MAN1A2: variants seen among roughly 807,000 people sequenced by gnomAD.
The protein encoded by MAN1A2 is mannosyl-oligosaccharide 1,2-alpha-mannosidase IB.
In MAN1A2, 26 loss-of-function variants were observed where a neutral mutation model predicts 75.7. The ratio of observed to expected loss-of-function variants is 0.34; its 90% CI spans 0.25 to 0.48. The LOEUF (loss-of-function observed/expected upper bound fraction) is 0.48. MAN1A2 is among the 20% of genes least tolerant of loss of function. The pLI, the probability that MAN1A2 is intolerant of heterozygous loss-of-function variation, is 0.99. For missense variants in MAN1A2, 562 were observed against 775.5 expected (o/e 0.72, Z 3.27); for synonymous variants, 247 against 264.6 (o/e 0.93, Z 0.65).
intron 8 of MAN1A2, among the ~76,000 whole-genome samples, chr1:117,478,979 A>C (rs1053967302): frequency 6.6e-6 from 1 of 151,654 alleles, no homozygotes; most frequent in Non-Finnish European, 1.5e-5. Flanking sequence ...CTTGTTACAT[A>C]GGTAAACGGG....
chr1:117,406,124 T>A (rs1161654642), intron 3 of MAN1A2, among the ~76,000 whole-genome samples: 2 of 152,254 alleles, frequency 1.3e-5, no homozygotes, highest in African/African-American at 2.4e-5. Flanking sequence ...AAATTAACAA[T>A]GTGTTCTGTG....
intron 3 of MAN1A2, among the ~76,000 whole-genome samples, chr1:117,407,353 A>G (rs978832145): frequency 6.6e-6 from 1 of 152,134 alleles, no homozygotes; most frequent in Non-Finnish European, 1.5e-5. Context: ...TCTTGCCAGT[A>G]AGTACAATTT....
chr1:117,444,696 TCTTG>T (rs1649151538), intron 6 of MAN1A2, among the ~76,000 whole-genome samples: 1 of 152,062 alleles, frequency 6.6e-6, no homozygotes, highest in Admixed American at 6.6e-5. Context: ...TATTCCTAAG[TCTTG>T]CTTGAGTTCT....
At chr1:117,461,735 A>G (rs1046171482) in intron 7 of MAN1A2, among the ~76,000 whole-genome samples, 1 of 152,182 alleles carries the variant, frequency 6.6e-6, no homozygotes, top group Non-Finnish European at 1.5e-5. Context: ...GAGGATATAA[A>G]TAAATGGAGA....
At chr1:117,519,911 C>T (rs193003901) in intron 12 of MAN1A2, among the ~76,000 whole-genome samples, 1 of 152,004 alleles carries the variant, frequency 6.6e-6, no homozygotes, top group Non-Finnish European at 1.5e-5. Context: ...CTTGATGAAC[C>T]AGATGCCAAA....
At position 117,460,581 on chromosome 1, in the gene MAN1A2, A is replaced by G. The variant is rs1297522376; in HGVS notation, c.1043A>G (p.Tyr348Cys). The G allele has an allele frequency of 1.2e-6, 2 of 1,609,978 alleles. No homozygotes were observed. Among genetic ancestry groups the G allele is most frequent in the Admixed American group, 1.7e-5 (1 of 58,920 alleles). Residue 348 changes from tyrosine to cysteine, a missense_variant, in exon 7 of 13, where the codon TAC (tyrosine) becomes TGC (cysteine). Physicochemically the swap from Tyr to Cys is radical, Grantham distance 194 (BLOSUM62 -2). This residue lies in a region of MAN1A2 where 434 missense variants were observed against 645.7 expected (regional missense o/e 0.67). Coordinates refer to ENST00000356554, the MANE Select transcript of MAN1A2 (RefSeq NM_006699.5). ...CATATGGAGTTCATCCACCTCAGCT[A>G]CTTGACAGGGGACCTGACTTACTAC... is the stretch of plus-strand genomic sequence containing the variant. The part of the protein sequence containing the change: ...TLHMEFIHLS[Y>C]LTGDLTYYKK...
intron 8 of MAN1A2, among the ~76,000 whole-genome samples, chr1:117,487,221 C>A (rs934071507): frequency 1.3e-5 from 2 of 151,954 alleles, no homozygotes; most frequent in African/African-American, 4.8e-5. Context: ...GAATGTGATT[C>A]AGTAAAACAG....
chr1:117,437,969 T>C (rs565936183), intron 5 of MAN1A2, among the ~76,000 whole-genome samples: 53 of 152,356 alleles, frequency 3.5e-4, no homozygotes, highest in Admixed American at 2.2e-3. Context: ...CTTCTAAGCA[T>C]TGAAAACAAA....
At chr1:117,481,559 T>C (rs1570779355) in intron 8 of MAN1A2, among the ~76,000 whole-genome samples, 2 of 151,962 alleles carry the variant, frequency 1.3e-5, no homozygotes, top group Non-Finnish European at 2.9e-5. Context: ...GCCTGAGTGA[T>C]TGTGCTTTTC....
At position 117,524,929 on chromosome 1, in the gene MAN1A2, G is replaced by C; in HGVS notation, c.*1972G>C. The stretch of plus-strand genomic sequence containing the variant: ...GTTCTAAAAAATGTTAGCCTTCCTC[G>C]TAAAAGTAGCACAAGCCCACTTATG... On this transcript the variant is annotated 3_prime_UTR_variant, in exon 13 of 13. Transcript: ENST00000356554. The C allele has an allele frequency of 3.1e-6, 1 of 317,718 alleles. No individual in the cohort carries two copies. Among genetic ancestry groups the C allele is most frequent in the South Asian group, 2.9e-5 (1 of 34,766 alleles). The allele number at this position is 317,718 out of a possible 1,614,324, so 19.7% of individuals were successfully genotyped here. A position where few individuals can be genotyped will look rare whatever the true frequency, so the allele number is the denominator to read the frequency against.
chr1:117,425,847 G>A (rs918516550), intron 5 of MAN1A2, among the ~76,000 whole-genome samples: 16 of 152,066 alleles, frequency 1.1e-4, no homozygotes, highest in African/African-American at 1.9e-4. Context: ...ATCAGTTATC[G>A]TTTAGAACTA....
intron 1 of MAN1A2, among the ~76,000 whole-genome samples, chr1:117,379,467 T>C (rs955710644): frequency 2.6e-5 from 4 of 152,192 alleles, no homozygotes; most frequent in Non-Finnish European, 5.9e-5. Context: ...AGCATTTATT[T>C]TTTTATTCAG....
chr1:117,461,705 C>G (rs2101836676), intron 7 of MAN1A2, among the ~76,000 whole-genome samples: 1 of 152,022 alleles, frequency 6.6e-6, no homozygotes, highest in South Asian at 2.1e-4. Flanking sequence ...AAATACAAAA[C>G]TTTATTAAAT....
At chr1:117,429,381 G>A (rs1193522316) in intron 5 of MAN1A2, among the ~76,000 whole-genome samples, 2 of 137,362 alleles carry the variant, frequency 1.5e-5, no homozygotes, top group African/African-American at 5.4e-5. Flanking sequence ...AGGGGCGGCC[G>A]GGCAGAGGCG....
intron 6 of MAN1A2, among the ~76,000 whole-genome samples, 182 bp downstream of exon 6, chr1:117,442,507 T>A (rs1166073369): frequency 1.3e-5 from 2 of 152,178 alleles, no homozygotes; most frequent in African/African-American, 4.8e-5. Flanking sequence ...TTCTGATTTT[T>A]AAAATAAGTC....
intron 6 of MAN1A2, among the ~76,000 whole-genome samples, chr1:117,458,062 G>A (rs1649659616): frequency 6.6e-6 from 1 of 152,056 alleles, no homozygotes; most frequent in South Asian, 2.1e-4. Flanking sequence ...AACATAATAT[G>A]TAAAAAGCCT....
intron 8 of MAN1A2, among the ~76,000 whole-genome samples, chr1:117,473,587 A>G (rs1429723541): frequency 1.3e-5 from 2 of 151,862 alleles, no homozygotes; most frequent in Non-Finnish European, 2.9e-5. Context: ...TTCTTCTCCA[A>G]CTACATTGGC....
intron 1 of MAN1A2, among the ~76,000 whole-genome samples, chr1:117,382,611 A>G (rs571482862): frequency 4.6e-5 from 7 of 152,324 alleles, no homozygotes; most frequent in Admixed American, 6.5e-5. Context: ...GAAGTCAGGT[A>G]GCATGATGCC....
At chr1:117,435,884 C>CCT (rs1224246506) in intron 5 of MAN1A2, among the ~76,000 whole-genome samples, 1 of 151,976 alleles carries the variant, frequency 6.6e-6, no homozygotes, top group East Asian at 1.9e-4. Flanking sequence ...ATGGTGAAAC[C>CCT]CTCTCTCTAC....
Sources: gnomAD v4.1 joint callset for allele counts (sites outside exome capture counted in the v4.1 genomes callset) on GRCh38, gnomAD v4.1.1 for gene constraint, gnomAD v4.1.1 regional missense constraint, MANE v1.5 for transcripts, NCBI Gene and HGNC (gene_info 2026-07-23, HGNC 2026-07-21) for gene names.